NUP35: variants seen among roughly 807,000 people sequenced by gnomAD.
The protein encoded by NUP35 is nucleoporin NUP35.
NUP35 carries 25 observed loss-of-function variants against 41.5 expected under a neutral mutation model. The observed-to-expected ratio is 0.60, with a 90% CI of 0.44 to 0.84. NUP35 has a LOEUF of 0.84. Ranked by LOEUF, NUP35 falls within the 40% of genes least tolerant of loss-of-function variation. The pLI is 0.00. For synonymous variants in NUP35, 149 were observed against 130.7 expected (o/e 1.14, Z -0.96); for missense variants, 396 against 396.6 (o/e 1.00, Z 0.01).
At chr2:183,144,409 C>G (rs1028531623) in intron 4 of NUP35, among the ~76,000 whole-genome samples, 1 of 152,152 alleles carries the variant, frequency 6.6e-6, no homozygotes, top group African/African-American at 2.4e-5. Flanking sequence ...ACATATTGTG[C>G]TACTTTGTTT....
chr2:183,142,198 T>C (rs1377578433), intron 4 of NUP35, among the ~76,000 whole-genome samples: 6 of 152,170 alleles, frequency 3.9e-5, no homozygotes, highest in Non-Finnish European at 8.8e-5. Flanking sequence ...GGTGTGGAAC[T>C]TTTTCATTTG....
chr2:183,137,279 G>A (rs2675094), intron 4 of NUP35, among the ~76,000 whole-genome samples: 40,603 of 151,990 alleles, frequency 0.27, 6,028 homozygotes, highest in African/African-American at 0.38. Flanking sequence ...TTTGTTACAC[G>A]CAGAAATAGT....
rs565950732 is a variant in NUP35 at position 183,124,580 on chromosome 2, C to T, written c.40+83C>T. On this transcript the variant is annotated intron_variant, in intron 1 of 8. Coordinates refer to ENST00000295119, the MANE Select transcript of NUP35 (RefSeq NM_138285.5). Reference sequence around the variant, plus strand: ...GCGGGCAAGACTGAAAGGCAGTCGTCAGGCTCTCGTCTGCTGGTTTCAGTC... The same window carrying T: ...GCGGGCAAGACTGAAAGGCAGTCGTTAGGCTCTCGTCTGCTGGTTTCAGTC... 3.5e-4 allele frequency: 541 copies of T among 1,551,076 alleles called. 6 individuals are homozygous for T. In the South Asian group the frequency reaches 5.6e-3, roughly 16 times the overall value.
chr2:183,127,221 G>T (rs7607102), intron 1 of NUP35, among the ~76,000 whole-genome samples: 6,727 of 151,846 alleles, frequency 0.044, 243 homozygotes, highest in South Asian at 0.15. Context: ...TCAATTGTGA[G>T]GTTTCAGTTC....
rs34264626 is a variant in NUP35 at position 183,133,638 on chromosome 2, C to CTT, written c.397+31_397+32dup. ...TCCTGGAACAGGTAAGTGATTCTTT[C>CTT]TTTTTTTTTTTTTTTTTAAAAGACA... On this transcript the variant is annotated intron_variant, in intron 4 of 8. Coordinates refer to ENST00000295119, the MANE Select transcript of NUP35 (RefSeq NM_138285.5). The CTT allele has an allele frequency of 3.5e-4, 472 of 1,342,248 alleles. No homozygotes were observed. The highest frequency in any genetic ancestry group is 4.9e-4 in the Admixed American group (18 of 36,624). 83.1% of individuals were successfully genotyped at this position (1,342,248 alleles called of 1,614,324 possible).
chr2:183,151,694 ATTTTATAAT>A, intron 5 of NUP35, 45 bp downstream of exon 5: 1 of 1,560,918 alleles, frequency 6.4e-7, no homozygotes, highest in Non-Finnish European at 8.7e-7. Context: ...CCACCCTAAC[ATTTTATAAT>A]GAATATAATC....
chr2:183,150,361 G>T (rs2887233), intron 4 of NUP35, among the ~76,000 whole-genome samples: 135,557 of 152,276 alleles, frequency 0.89, 60,593 homozygotes, highest in East Asian at 0.99. Context: ...CTCTCTGCTC[G>T]CATCTCCTTG....
In NUP35 at chr2:183,159,503, A is replaced by C. The variant is rs767406437; in HGVS notation, c.754A>C (p.Ser252Arg). 1.2e-6 allele frequency: 2 copies of C among 1,613,420 alleles called. No individual in the cohort carries two copies. The highest frequency in any genetic ancestry group is 1.7e-6 in the Non-Finnish European group (2 of 1,179,636). ...PCIDKSVMES[S>R]DRCALSSPSL... Reference sequence around the variant, plus strand: ...GTTTCTCCAGAGTGTTATGGAAAGCAGTGACAGATGTGCTTTATCATCTCC... The same window carrying C: ...GTTTCTCCAGAGTGTTATGGAAAGCCGTGACAGATGTGCTTTATCATCTCC... Residue 252 changes from serine (S) to arginine (R), a missense_variant, in exon 8 of 9, where the codon AGT (serine) becomes CGT (arginine). By Grantham distance (110) the Ser-to-Arg change is moderately radical. Transcript: ENST00000295119.
chr2:183,141,224 TC>T (rs1685085026), intron 4 of NUP35, among the ~76,000 whole-genome samples: 1 of 152,124 alleles, frequency 6.6e-6, no homozygotes, highest in Admixed American at 6.5e-5. Context: ...CACATAGCCT[TC>T]CCTGAAGTAA....
At chr2:183,141,941 A>C (rs1451313879) in intron 4 of NUP35, among the ~76,000 whole-genome samples, 3 of 152,220 alleles carry the variant, frequency 2.0e-5, no homozygotes, top group African/African-American at 4.8e-5. Context: ...TAGCTTTCTA[A>C]AAAAGCTTGC....
At chr2:183,137,607 A>G (rs901199923) in intron 4 of NUP35, among the ~76,000 whole-genome samples, 4 of 151,986 alleles carry the variant, frequency 2.6e-5, no homozygotes, top group Non-Finnish European at 5.9e-5. Flanking sequence ...TGAGTCAGTA[A>G]GTGATCCCAG....
chr2:183,146,386 C>A (rs1004461552), intron 4 of NUP35, among the ~76,000 whole-genome samples: 1 of 152,128 alleles, frequency 6.6e-6, no homozygotes, highest in Non-Finnish European at 1.5e-5. Context: ...TTTTTCAGAT[C>A]ACCTCACATC....
intron 4 of NUP35, among the ~76,000 whole-genome samples, chr2:183,143,080 C>T (rs1318185882): frequency 6.1e-5 from 9 of 148,478 alleles, no homozygotes; most frequent in African/African-American, 1.5e-4. Context: ...GGCCTGAACC[C>T]GGGAGGCGGA....
At chr2:183,160,961 G>T in intron 8 of NUP35, 93 bp from the exon 9 acceptor site, 1 of 851,160 alleles carries the variant, frequency 1.2e-6, no homozygotes, top group Non-Finnish European at 1.9e-6. Flanking sequence ...AATGCATTTT[G>T]GTGTTTCTCT....
intron 5 of NUP35, among the ~76,000 whole-genome samples, chr2:183,154,431 A>C (rs1356921536): frequency 6.6e-6 from 1 of 152,182 alleles, no homozygotes; most frequent in African/African-American, 2.4e-5. Context: ...CACCTTTTGA[A>C]TGCTTTGCTG....
chr2:183,125,345 C>T (rs1465065799), intron 1 of NUP35, among the ~76,000 whole-genome samples: 1 of 151,816 alleles, frequency 6.6e-6, no homozygotes, highest in Non-Finnish European at 1.5e-5. Flanking sequence ...AATAAACCGT[C>T]TTACTGTCAT....
Position 183,127,197 on chromosome 2 carries a change from G to A in NUP35, c.41-1090G>A, listed in dbSNP as rs532679167. Among the ~76,000 whole-genome samples, 8 of 152,070 alleles carry A rather than the reference G, an allele frequency of 5.3e-5. No homozygotes were observed. In the South Asian group the frequency reaches 1.7e-3, roughly 32 times the overall value. Reference sequence around the variant, plus strand: ...ATAATATCTACTCTATAGATTGTGAGGATTTATTTTGTATCAATTGTGAGG... The same window carrying A: ...ATAATATCTACTCTATAGATTGTGAAGATTTATTTTGTATCAATTGTGAGG... On this transcript the variant is annotated intron_variant, in intron 1 of 8. Transcript: ENST00000295119.
At chr2:183,126,190 C>G (rs965214825) in intron 1 of NUP35, among the ~76,000 whole-genome samples, 6 of 152,156 alleles carry the variant, frequency 3.9e-5, no homozygotes, top group Admixed American at 3.3e-4. Context: ...TGCCGCCACT[C>G]CCAGCTACTT....
chr2:183,129,019 G>C (rs184408170), intron 2 of NUP35, among the ~76,000 whole-genome samples: 26 of 152,142 alleles, frequency 1.7e-4, no homozygotes, highest in African/African-American at 6.3e-4. Flanking sequence ...GTCAGAGTGT[G>C]GTGGGGGAAG....
Sources: gnomAD v4.1 joint callset for allele counts (sites outside exome capture counted in the v4.1 genomes callset) on GRCh38, gnomAD v4.1.1 for gene constraint, MANE v1.5 for transcripts, NCBI Gene and HGNC (gene_info 2026-07-23, HGNC 2026-07-21) for gene names.